The following LPP variants were observed in gnomAD, a reference collection of about 807,000 sequenced individuals.
LPP encodes LIM domain containing preferred translocation partner in lipoma.
In LPP, 38 loss-of-function variants were observed where a neutral mutation model predicts 60.4. That is an observed-to-expected ratio of 0.63 (90% confidence interval 0.49 to 0.83). LPP has a LOEUF of 0.83. LPP is among the 40% of genes least tolerant of loss of function. The probability of loss-of-function intolerance (pLI) is 0.00; values close to 1 mark genes in which losing one functional copy is unlikely to be tolerated. For synonymous variants in LPP, 328 were observed against 290.8 expected, an observed-to-expected ratio of 1.13 and a Z score of -1.30; for missense variants, 902 against 783.6, an observed-to-expected ratio of 1.15 and a Z score of -1.80.
intron 1 of LPP, among the ~76,000 whole-genome samples, chr3:188,189,743 G>A (rs1727605524): frequency 6.6e-6 from 1 of 152,174 alleles, no homozygotes; most frequent in African/African-American, 2.4e-5. Context: ...GAACTTGGCA[G>A]ACACGAGAAT....
At chr3:188,603,358 T>TTG (rs1236417920) in intron 6 of LPP, among the ~76,000 whole-genome samples, 2 of 151,854 alleles carry the variant, frequency 1.3e-5, no homozygotes, top group Admixed American at 6.6e-5. Flanking sequence ...TGGTTTTTTT[T>TTG]TTTTTAACAT....
Position 188,816,198 on chromosome 3 carries a change from C to CTTTT in LPP, c.1411-49984_1411-49981dup, listed in dbSNP as rs34839724. ...AGCCTGAATTGTAAGGCTTCCTTCTCTTTTTTTTTTTTTTTTTTTTTGAGA... is the reference window on the plus strand; with the variant it reads ...AGCCTGAATTGTAAGGCTTCCTTCTCTTTTTTTTTTTTTTTTTTTTTTTTTGAGA... On this transcript the variant is annotated intron_variant, in intron 9 of 11. Coordinates refer to ENST00000617246, the MANE Select transcript of LPP (RefSeq NM_001375462.1). 1.5e-3 allele frequency among the ~76,000 whole-genome samples: 161 copies of CTTTT among 103,918 alleles called. 3 individuals are homozygous for CTTTT. The highest frequency in any genetic ancestry group is 2.6e-3 in the African/African-American group (71 of 27,770). 68.2% of individuals were successfully genotyped at this position (103,918 alleles called of 152,430 possible).
intron 10 of LPP, among the ~76,000 whole-genome samples, chr3:188,872,316 T>C (rs1043839409): frequency 1.3e-5 from 2 of 152,154 alleles, no homozygotes; most frequent in Non-Finnish European, 2.9e-5. Flanking sequence ...CTTTGTTCTC[T>C]CCTCCAGTTA....
At chr3:188,413,828 C>G (rs1247997605) in intron 4 of LPP, among the ~76,000 whole-genome samples, 1 of 152,090 alleles carries the variant, frequency 6.6e-6, no homozygotes, top group Non-Finnish European at 1.5e-5. Flanking sequence ...ATCACTTGGC[C>G]TTGGGCATGA....
chr3:188,485,193 G>A (rs1464426225), intron 5 of LPP, among the ~76,000 whole-genome samples: 2 of 151,982 alleles, frequency 1.3e-5, no homozygotes, highest in Admixed American at 1.3e-4. Flanking sequence ...TTCTCTTCTG[G>A]GTAAGTTCAA....
intron 5 of LPP, among the ~76,000 whole-genome samples, chr3:188,510,042 C>T (rs1814983026): frequency 6.6e-6 from 1 of 151,900 alleles, no homozygotes; most frequent in Non-Finnish European, 1.5e-5. Flanking sequence ...ATACGAGGTA[C>T]TAAACTGTCA....
intron 3 of LPP, among the ~76,000 whole-genome samples, chr3:188,392,930 CTG>C (rs1780044995): frequency 6.6e-6 from 1 of 152,156 alleles, no homozygotes; most frequent in African/African-American, 2.4e-5. Flanking sequence ...TCCCTCAACT[CTG>C]TGTAACCCCA....
chr3:188,431,866 G>A (rs938458563), intron 4 of LPP, among the ~76,000 whole-genome samples: 2 of 152,140 alleles, frequency 1.3e-5, no homozygotes, highest in African/African-American at 2.4e-5. Flanking sequence ...ATAGAATATC[G>A]TGAATTTAGT....
At chr3:188,192,785 C>A (rs1577209229) in intron 1 of LPP, among the ~76,000 whole-genome samples, 3 of 152,102 alleles carry the variant, frequency 2.0e-5, no homozygotes, top group Non-Finnish European at 2.9e-5. Flanking sequence ...CCTTTTCTTG[C>A]CTAGAAATGT....
At chr3:188,183,932 G>A (rs1212783340) in intron 1 of LPP, among the ~76,000 whole-genome samples, 1 of 152,128 alleles carries the variant, frequency 6.6e-6, no homozygotes, top group African/African-American at 2.4e-5. Flanking sequence ...AGCCCATAGA[G>A]ATAGACTGAA....
At chr3:188,580,114 G>C (rs562919568) in intron 6 of LPP, among the ~76,000 whole-genome samples, 2 of 151,824 alleles carry the variant, frequency 1.3e-5, no homozygotes, top group Admixed American at 1.3e-4. Flanking sequence ...TAGTACTACC[G>C]TGCAATAACT....
chr3:188,561,997 T>C (rs372964051), intron 6 of LPP, among the ~76,000 whole-genome samples: 1 of 151,942 alleles, frequency 6.6e-6, no homozygotes, highest in African/African-American at 2.4e-5. Flanking sequence ...AAGAGGGCAG[T>C]GTGGACTGAA....
chr3:188,233,134 G>A (rs1043843851), intron 2 of LPP, among the ~76,000 whole-genome samples: 20 of 152,122 alleles, frequency 1.3e-4, no homozygotes, highest in Non-Finnish European at 4.4e-5. Context: ...ATAATTAATA[G>A]CCTCAACATT....
At position 188,524,652 on chromosome 3, in the gene LPP, T is replaced by C; in HGVS notation, c.307-13T>C. ...AATTTCCTTTGTTAACATGTCTGTG[T>C]TGCTTCCAACAGGGGAATCCCGGAG... On this transcript the variant is annotated splice_polypyrimidine_tract_variant and intron_variant, in intron 5 of 11. Coordinates refer to ENST00000617246, the MANE Select transcript of LPP (RefSeq NM_001375462.1). 6.2e-7 allele frequency: 1 copy of C among 1,611,290 alleles called. No homozygotes were observed. The highest frequency in any genetic ancestry group is 1.1e-5 in the South Asian group (1 of 90,714).
chr3:188,240,425 G>A (rs1197799899), intron 2 of LPP, among the ~76,000 whole-genome samples: 1 of 151,640 alleles, frequency 6.6e-6, no homozygotes, highest in African/African-American at 2.4e-5. Context: ...AATGAAGAGG[G>A]AGAGGTCAGA....
chr3:188,890,600 T>G lies in LPP; in HGVS notation c.*16121T>G, dbSNP rs1176165654. The G allele has an allele frequency of 2.3e-5, 4 of 175,032 alleles. No homozygotes were observed. Among genetic ancestry groups the G allele is most frequent in the Non-Finnish European group, 4.9e-5 (4 of 81,156 alleles). 10.8% of individuals were successfully genotyped at this position (175,032 alleles called of 1,614,324 possible). A position where few individuals can be genotyped will look rare whatever the true frequency, so the allele number is the denominator to read the frequency against. On this transcript the variant is annotated 3_prime_UTR_variant, in exon 12 of 12. Coordinates refer to ENST00000617246, the MANE Select transcript of LPP (RefSeq NM_001375462.1). ...ATAAGAATGAATATGGAAATTATATTTCTTTTTTCTGTAAAAGAGTTGCAA... is the reference window on the plus strand; with the variant it reads ...ATAAGAATGAATATGGAAATTATATGTCTTTTTTCTGTAAAAGAGTTGCAA...
At chr3:188,711,109 C>T (rs1031437101) in intron 8 of LPP, 11 of 152,210 alleles carry the variant, frequency 7.2e-5, no homozygotes, top group South Asian at 6.2e-4. Context: ...AAGATATGCT[C>T]GTTAAAAATC....
Position 188,300,310 on chromosome 3 carries a change from A to C in LPP, c.-66-41353A>C, listed in dbSNP as rs187843781. Among the ~76,000 whole-genome samples, 448 of 152,224 alleles carry C rather than the reference A, an allele frequency of 2.9e-3. 1 individual carries two copies. The highest frequency in any genetic ancestry group is 0.01 in the African/African-American group (421 of 41,514). ...CATTCCCAAAATGTAAATTTTAATC[A>C]TTGCATAATATTGCATTATCTGATA... On this transcript the variant is annotated intron_variant, in intron 2 of 11. Transcript: ENST00000617246.
chr3:188,856,527 A>G (rs1026747670), intron 9 of LPP, among the ~76,000 whole-genome samples: 1 of 152,200 alleles, frequency 6.6e-6, no homozygotes, highest in Non-Finnish European at 1.5e-5. Context: ...CTTTATAACA[A>G]TATCTTTATA....
Sources: gnomAD v4.1 joint callset for allele counts (sites outside exome capture counted in the v4.1 genomes callset) on GRCh38, gnomAD v4.1.1 for gene constraint, MANE v1.5 for transcripts, NCBI Gene and HGNC (gene_info 2026-07-23, HGNC 2026-07-21) for gene names.